PRKCH: variants seen among roughly 807,000 people sequenced by gnomAD.
The protein encoded by PRKCH is protein kinase C eta.
Under a neutral mutation model 82.5 loss-of-function variants are expected in PRKCH, and 28 were observed. The observed-to-expected ratio is 0.34, with a 90% CI of 0.25 to 0.47. PRKCH has a LOEUF of 0.47. Ranked by LOEUF, PRKCH falls within the 20% of genes least tolerant of loss-of-function variation. The pLI is 1.00. For synonymous variants in PRKCH, 322 were observed against 327.4 expected (o/e 0.98, Z 0.18); for missense variants, 705 against 881.8 (o/e 0.80, Z 2.54).
At chr14:61,514,517 G>GACCTCTGC (rs1178832691) in intron 10 of PRKCH, among the ~76,000 whole-genome samples, 3 of 152,106 alleles carry the variant, frequency 2.0e-5, no homozygotes, top group East Asian at 1.9e-4. Context: ...CAAGACAGGG[G>GACCTCTGC]ACCTCTGCAG....
Position 61,502,921 on chromosome 14 carries a change from G to A in PRKCH, c.1433+17265G>A, listed in dbSNP as rs192158885. Among the ~76,000 whole-genome samples the A allele has an allele frequency of 2.6e-4, 40 of 151,796 alleles. 1 individual carries two copies. In the South Asian group the frequency reaches 7.7e-3, roughly 29 times the overall value. On this transcript the variant is annotated intron_variant, in intron 10 of 13. Transcript: ENST00000332981. Reference sequence around the variant, plus strand: ...ACTGAGTCATGGAATTCACCCTTTCGAGCCCTTCCTGGGGGATGTGTGGCT... The same window carrying A: ...ACTGAGTCATGGAATTCACCCTTTCAAGCCCTTCCTGGGGGATGTGTGGCT...
rs933554015 is a variant in PRKCH, at chr14:61,395,369, G to A, written c.427+4081G>A. 2.1e-5 allele frequency among the ~76,000 whole-genome samples: 3 copies of A among 143,448 alleles called. 1 individual carries two copies. The highest frequency in any genetic ancestry group is 4.5e-4 in the South Asian group (2 of 4,492). The allele number at this position is 143,448 out of a possible 152,430, so 94.1% of individuals were successfully genotyped here. ...GAGAGCATGTCCCTAGCTTGACCTC[G>A]CTCCTGGAAGCCACCTTAGATTATG... On this transcript the variant is annotated intron_variant, in intron 2 of 13. Coordinates refer to ENST00000332981, the MANE Select transcript of PRKCH (RefSeq NM_006255.5).
At chr14:61,349,253 G>A (rs2046039003) in intron 1 of PRKCH, among the ~76,000 whole-genome samples, 2 of 152,174 alleles carry the variant, frequency 1.3e-5, no homozygotes. Context: ...TGGACTTGAT[G>A]ACAGATCTTC....
At chr14:61,353,790 A>G (rs1349452947) in intron 1 of PRKCH, 1 of 152,216 alleles carries the variant, frequency 6.6e-6, no homozygotes, top group African/African-American at 2.4e-5. Flanking sequence ...AATATAAATT[A>G]GCCAGGCATG....
intron 10 of PRKCH, among the ~76,000 whole-genome samples, chr14:61,502,834 T>A (rs1236051241): frequency 6.6e-6 from 1 of 151,966 alleles, no homozygotes; most frequent in Non-Finnish European, 1.5e-5. Flanking sequence ...GTTCACCGAG[T>A]GAGGATTTTA....
intron 1 of PRKCH, among the ~76,000 whole-genome samples, chr14:61,240,743 A>T (rs1393467602): frequency 6.6e-6 from 1 of 151,760 alleles, no homozygotes; most frequent in Non-Finnish European, 1.5e-5. Context: ...CATATTTATC[A>T]CCCTCCACCC....
chr14:61,323,592 A>G (rs1257121205), intron 1 of PRKCH, among the ~76,000 whole-genome samples: 1 of 152,188 alleles, frequency 6.6e-6, no homozygotes, highest in Admixed American at 6.5e-5. Context: ...TTTATTTTAT[A>G]CTTTGTGGAA....
At chr14:61,392,924 A>T (rs573935174) in intron 2 of PRKCH, among the ~76,000 whole-genome samples, 15 of 151,036 alleles carry the variant, frequency 9.9e-5, no homozygotes, top group African/African-American at 3.4e-4. Context: ...TTTGTGTGTG[A>T]TGTTACAGAG....
At chr14:61,482,818 T>C (rs1222435566) in intron 9 of PRKCH, among the ~76,000 whole-genome samples, 1 of 152,236 alleles carries the variant, frequency 6.6e-6, no homozygotes, top group Non-Finnish European at 1.5e-5. Flanking sequence ...GGGGCTGGGC[T>C]AAAGCAAGAC....
chr14:61,320,191 C>T (rs577038713), upstream of PRKCH, among the ~76,000 whole-genome samples: 1 of 151,780 alleles, frequency 6.6e-6, no homozygotes, highest in South Asian at 2.1e-4. Context: ...AACCCAGTCT[C>T]TAAAACATAA....
intron 10 of PRKCH, among the ~76,000 whole-genome samples, chr14:61,486,031 C>T (rs1886206235): frequency 6.6e-6 from 1 of 152,168 alleles, no homozygotes; most frequent in Non-Finnish European, 1.5e-5. Context: ...CAGTAATAAA[C>T]ACTGCCTGCA....
chr14:61,355,484 A>C (rs964949886), intron 1 of PRKCH, among the ~76,000 whole-genome samples: 2 of 152,150 alleles, frequency 1.3e-5, no homozygotes, highest in Admixed American at 1.3e-4. Flanking sequence ...GAGACTTTAA[A>C]AGATCCACTT....
intron 12 of PRKCH, among the ~76,000 whole-genome samples, chr14:61,535,603 C>G (rs1323493920): frequency 6.6e-6 from 1 of 152,158 alleles, no homozygotes; most frequent in Non-Finnish European, 1.5e-5. Context: ...GCTGAGGGAA[C>G]AGTGAGAGCC....
Position 61,306,664 on chromosome 14 carries a change from A to G in PRKCH, c.-19+118996A>G, listed in dbSNP as rs564142676. The stretch of plus-strand genomic sequence containing the variant: ...TAGCTACTATCTATGGCCATAAGTG[A>G]ATGTCCTCTGATGTATGTTTTGGTA... On this transcript the variant is annotated intron_variant, in intron 1 of 3. Coordinates refer to the PRKCH transcript ENST00000555185. 7.2e-5 allele frequency: 11 copies of G among 152,320 alleles called. No homozygotes were observed. The South Asian group carries it at 2.1e-3, about 29-fold the overall frequency. 9.4% of individuals were successfully genotyped at this position (152,320 alleles called of 1,614,324 possible). A position where few individuals can be genotyped will look rare whatever the true frequency, so the allele number is the denominator to read the frequency against.
chr14:61,256,739 T>C (rs2045000797), intron 1 of PRKCH, among the ~76,000 whole-genome samples: 1 of 152,230 alleles, frequency 6.6e-6, no homozygotes, highest in African/African-American at 2.4e-5. Flanking sequence ...TTTTTACTTA[T>C]TGATCCTAGT....
intron 2 of PRKCH, among the ~76,000 whole-genome samples, chr14:61,407,461 G>A (rs1458636182): frequency 6.6e-6 from 1 of 152,120 alleles, no homozygotes; most frequent in African/African-American, 2.4e-5. Context: ...CTTAACTCTA[G>A]GAGGGAACTG....
At chr14:61,546,432 A>G (rs1411752591) in intron 12 of PRKCH, among the ~76,000 whole-genome samples, 2 of 152,350 alleles carry the variant, frequency 1.3e-5, no homozygotes, top group South Asian at 4.1e-4. Flanking sequence ...ATATTCATTT[A>G]TTAGCTGCCC....
At chr14:61,415,408 T>C (rs983415697) in intron 2 of PRKCH, among the ~76,000 whole-genome samples, 1 of 152,166 alleles carries the variant, frequency 6.6e-6, no homozygotes, top group South Asian at 2.1e-4. Context: ...AAGTGATCAC[T>C]TCAGGGGTGG....
intron 2 of PRKCH, among the ~76,000 whole-genome samples, chr14:61,416,492 G>A (rs1332494330): frequency 6.6e-6 from 1 of 152,072 alleles, no homozygotes; most frequent in East Asian, 1.9e-4. Flanking sequence ...ATTTAATATT[G>A]GATTTTGTTT....
Sources: gnomAD v4.1 joint callset for allele counts (sites outside exome capture counted in the v4.1 genomes callset) on GRCh38, gnomAD v4.1.1 for gene constraint, MANE v1.5 for transcripts, NCBI Gene and HGNC (gene_info 2026-07-23, HGNC 2026-07-21) for gene names.